KCNK2: variants seen among roughly 807,000 people sequenced by gnomAD.
KCNK2 encodes potassium two pore domain channel subfamily K member 2.
Under a neutral mutation model 40.5 loss-of-function variants are expected in KCNK2, and 21 were observed. The observed-to-expected ratio is 0.52, with a 90% CI of 0.37 to 0.75. KCNK2 has a LOEUF of 0.75. KCNK2 is among the 30% of genes least tolerant of loss of function. KCNK2 has a pLI of 0.00. For missense variants in KCNK2, 399 were observed against 531.6 expected (o/e 0.75, Z 2.45); for synonymous variants, 191 against 202.2 (o/e 0.94, Z 0.47).
At chr1:215,034,005 GT>G (rs1355917985) in intron 1 of KCNK2, among the ~76,000 whole-genome samples, 2 of 152,018 alleles carry the variant, frequency 1.3e-5, no homozygotes, top group Non-Finnish European at 2.9e-5. Context: ...TACATTTCAG[GT>G]TTCCCTACAT....
intron 2 of KCNK2, among the ~76,000 whole-genome samples, chr1:215,115,477 G>C (rs374323195): frequency 2.6e-5 from 4 of 152,078 alleles, no homozygotes; most frequent in African/African-American, 9.7e-5. Context: ...ATGTTGGTTA[G>C]TGTAGCACGC....
chr1:215,073,681 G>A (rs1658836839), intron 1 of KCNK2, among the ~76,000 whole-genome samples: 1 of 152,004 alleles, frequency 6.6e-6, no homozygotes, highest in Non-Finnish European at 1.5e-5. Flanking sequence ...GCCCTATATA[G>A]CAAGGTGTAT....
chr1:215,040,032 G>A (rs1164419303), intron 1 of KCNK2, among the ~76,000 whole-genome samples: 1 of 152,084 alleles, frequency 6.6e-6, no homozygotes, highest in Non-Finnish European at 1.5e-5. Flanking sequence ...GATAAGCATG[G>A]TATAAGAGAA....
chr1:215,214,032 C>T (rs893890614), intron 6 of KCNK2, among the ~76,000 whole-genome samples: 2 of 152,274 alleles, frequency 1.3e-5, no homozygotes, highest in Admixed American at 1.3e-4. Context: ...ACACCATTGC[C>T]TCTTTGAACC....
intron 3 of KCNK2, among the ~76,000 whole-genome samples, chr1:215,150,055 T>C (rs1014565231): frequency 1.3e-5 from 2 of 152,192 alleles, no homozygotes; most frequent in African/African-American, 4.8e-5. Flanking sequence ...GAACTGATCG[T>C]TATGATCTAG....
intron 3 of KCNK2, among the ~76,000 whole-genome samples, chr1:215,147,026 G>C (rs1186397178): frequency 6.6e-6 from 1 of 152,192 alleles, no homozygotes; most frequent in Non-Finnish European, 1.5e-5. Flanking sequence ...TATAGTAATA[G>C]AGTGATGTCA....
intron 6 of KCNK2, among the ~76,000 whole-genome samples, chr1:215,212,691 T>A (rs967296643): frequency 2.0e-5 from 3 of 152,226 alleles, no homozygotes; most frequent in Non-Finnish European, 4.4e-5. Flanking sequence ...CTGCTTCTAT[T>A]TTTAACTTAA....
At chr1:215,230,511 A>ATATATACATATATATATATATATATG (rs1558150242) in intron 6 of KCNK2, among the ~76,000 whole-genome samples, 1 of 23,804 alleles carries the variant, frequency 4.2e-5, no homozygotes, top group South Asian at 3.0e-3. Flanking sequence ...ACGGCTGTAT[A>ATATATACATATATATATATATATATG]TATATATATA....
At chr1:215,027,033 C>G (rs12118357) in intron 1 of KCNK2, among the ~76,000 whole-genome samples, 1 of 151,712 alleles carries the variant, frequency 6.6e-6, no homozygotes, top group Admixed American at 6.6e-5. Context: ...TTTTTTTCTC[C>G]TCTTTCTTTT....
At chr1:215,029,893 T>G (rs1657126188) in intron 1 of KCNK2, among the ~76,000 whole-genome samples, 2 of 152,120 alleles carry the variant, frequency 1.3e-5, no homozygotes. Context: ...TGTAGGTTTT[T>G]GTGTGGACAT....
At chr1:215,203,768 T>C (rs1458110743) in intron 6 of KCNK2, among the ~76,000 whole-genome samples, 1 of 151,988 alleles carries the variant, frequency 6.6e-6, no homozygotes, top group East Asian at 1.9e-4. Flanking sequence ...GGATATTCTA[T>C]GGACTTTTTA....
chr1:215,173,903 T>C (rs1663834073), intron 5 of KCNK2, among the ~76,000 whole-genome samples: 1 of 152,234 alleles, frequency 6.6e-6, no homozygotes, highest in South Asian at 2.1e-4. Flanking sequence ...GCAAAAATGT[T>C]CTCCCATTCT....
chr1:215,021,734 G>C (rs1275516238), intron 1 of KCNK2, among the ~76,000 whole-genome samples: 2 of 151,904 alleles, frequency 1.3e-5, no homozygotes, highest in Non-Finnish European at 2.9e-5. Context: ...ATTTTTAGTA[G>C]AGACGGGGTT....
intron 3 of KCNK2, among the ~76,000 whole-genome samples, chr1:215,146,964 T>G (rs1302660290): frequency 6.6e-6 from 1 of 152,204 alleles, no homozygotes; most frequent in African/African-American, 2.4e-5. Context: ...CAAGAAATAT[T>G]CGCAATTACC....
chr1:215,175,415 C>A (rs1663918760), intron 5 of KCNK2, among the ~76,000 whole-genome samples: 1 of 151,458 alleles, frequency 6.6e-6, no homozygotes, highest in South Asian at 2.1e-4. Context: ...TTTACATTTC[C>A]TCTCTAATTT....
intron 2 of KCNK2, among the ~76,000 whole-genome samples, chr1:215,109,806 T>C (rs751701249): frequency 2.6e-5 from 4 of 152,160 alleles, no homozygotes; most frequent in Non-Finnish European, 5.9e-5. Flanking sequence ...TCCTGCTTTT[T>C]ATAGTGGCTG....
rs1661767861 is a variant in KCNK2 at position 215,133,627 on chromosome 1, T to A, written c.475+8877T>A. On this transcript the variant is annotated intron_variant, in intron 3 of 6. Transcript: ENST00000444842. ...GTTTGTTTTCTTCCTAATTCTTTTT[T>A]TTTTTTTAATTTTAGACTTGTGCAA... Among the ~76,000 whole-genome samples the A allele has an allele frequency of 2.6e-5, 4 of 152,156 alleles. No individual in the cohort carries two copies. In the South Asian group the frequency reaches 8.3e-4, roughly 32 times the overall value.
chr1:215,145,317 G>A (rs1662366009), intron 3 of KCNK2, among the ~76,000 whole-genome samples: 1 of 152,130 alleles, frequency 6.6e-6, no homozygotes, highest in Admixed American at 6.6e-5. Flanking sequence ...GGGAGACTGA[G>A]GCACATAGCA....
intron 3 of KCNK2, among the ~76,000 whole-genome samples, chr1:215,125,742 ATATATATATATATATATAT>A: frequency 4.6e-4 from 1 of 2,192 alleles, no homozygotes; most frequent in African/African-American, 4.1e-3. Flanking sequence ...TATAATAAAT[ATATATATATATATATATAT>A]ATATATATAT....
Sources: gnomAD v4.1 joint callset for allele counts (sites outside exome capture counted in the v4.1 genomes callset) on GRCh38, gnomAD v4.1.1 for gene constraint, MANE v1.5 for transcripts, NCBI Gene and HGNC (gene_info 2026-07-23, HGNC 2026-07-21) for gene names.